ARHGAP26: variants seen among roughly 807,000 people sequenced by gnomAD.
The protein encoded by ARHGAP26 is rho GTPase-activating protein 26.
A neutral mutation model predicts 104.8 loss-of-function variants in ARHGAP26; 38 were observed. The observed-to-expected ratio is 0.36, with a 90% confidence interval of 0.28 to 0.48. The LOEUF (loss-of-function observed/expected upper bound fraction) is 0.48, where lower values mean the gene tolerates loss of function less well. ARHGAP26 is among the 20% of genes least tolerant of loss of function. The pLI is 0.99. For synonymous variants in ARHGAP26, 341 were observed against 340.0 expected (o/e 1.00, Z -0.03); for missense variants, 704 against 947.9 (o/e 0.74, Z 3.38).
chr5:143,113,898 C>G (rs954096472), intron 17 of ARHGAP26, among the ~76,000 whole-genome samples: 1 of 152,082 alleles, frequency 6.6e-6, no homozygotes, highest in Non-Finnish European at 1.5e-5. Flanking sequence ...TGGACTTGCC[C>G]TGGTGGTGTG....
chr5:143,029,403 T>G (rs1355758587), intron 12 of ARHGAP26, among the ~76,000 whole-genome samples: 1 of 119,264 alleles, frequency 8.4e-6, no homozygotes, highest in African/African-American at 4.5e-5. Flanking sequence ...TTTTTTTTTT[T>G]TTTTTTTTTT....
In ARHGAP26 at chr5:143,207,304, G is replaced by A. The variant is rs144980456; in HGVS notation, c.2095G>A (p.Val699Ile). 356 of 1,613,924 alleles carry A rather than the reference G, an allele frequency of 2.2e-4. No individual in the cohort carries two copies. The highest frequency in any genetic ancestry group is 2.9e-4 in the Non-Finnish European group (338 of 1,180,014). Reference protein sequence around the residue: ...TSSTSSDSSPVSTPFRKAKAL... With the variant: ...TSSTSSDSSPISTPFRKAKAL... The stretch of plus-strand genomic sequence containing the variant: ...ATCCACGTCCAGCGACTCATCCCCC[G>A]TCAGGTCTGTTGCAGGGTTTGTTTG... Residue 699 changes from valine to isoleucine, a missense_variant, in exon 21 of 23, where the codon GTC becomes ATC. Physicochemically the swap from Val to Ile is conservative, Grantham distance 29. Transcript: ENST00000645722.
At chr5:142,809,543 C>G (rs908503846) in intron 1 of ARHGAP26, among the ~76,000 whole-genome samples, 2 of 152,306 alleles carry the variant, frequency 1.3e-5, no homozygotes, top group African/African-American at 4.8e-5. Flanking sequence ...CCCGGTGGTT[C>G]AGGGGCCAAA....
At chr5:143,009,295 G>A (rs943599956) in intron 11 of ARHGAP26, among the ~76,000 whole-genome samples, 17 of 152,030 alleles carry the variant, frequency 1.1e-4, no homozygotes, top group Non-Finnish European at 2.2e-4. Context: ...CTTTATCATC[G>A]TCAGCATCAT....
chr5:142,846,669 G>A (rs1009296436), intron 1 of ARHGAP26, among the ~76,000 whole-genome samples: 2 of 152,178 alleles, frequency 1.3e-5, no homozygotes, highest in South Asian at 4.1e-4. Flanking sequence ...ACATTTGGGA[G>A]CAAAAGAGAC....
chr5:143,008,269 T>G (rs983384729), intron 11 of ARHGAP26, among the ~76,000 whole-genome samples: 1 of 152,242 alleles, frequency 6.6e-6, no homozygotes, highest in African/African-American at 2.4e-5. Context: ...ATAACTGATG[T>G]GCATGTTAGC....
chr5:143,079,428 C>T (rs1487125967), intron 17 of ARHGAP26, among the ~76,000 whole-genome samples: 4 of 152,138 alleles, frequency 2.6e-5, no homozygotes, highest in Non-Finnish European at 4.4e-5. Flanking sequence ...GTAGTCGGCA[C>T]GGGAGAAAGG....
chr5:143,106,214 T>C (rs1172571394), intron 17 of ARHGAP26, among the ~76,000 whole-genome samples: 1 of 152,180 alleles, frequency 6.6e-6, no homozygotes, highest in Non-Finnish European at 1.5e-5. Flanking sequence ...AAGATGGCCT[T>C]CTGTATGGAA....
intron 12 of ARHGAP26, among the ~76,000 whole-genome samples, chr5:143,026,597 A>G (rs929813644): frequency 1.3e-5 from 2 of 152,122 alleles, no homozygotes; most frequent in Non-Finnish European, 2.9e-5. Flanking sequence ...ATCAGGAAGA[A>G]CAGTGGTGCC....
chr5:142,901,056 G>A (rs531429850), intron 6 of ARHGAP26, among the ~76,000 whole-genome samples: 122 of 151,960 alleles, frequency 8.0e-4, no homozygotes, highest in Non-Finnish European at 1.4e-3. Flanking sequence ...TTGAGAAGGG[G>A]CCAGGAAAGC....
intron 20 of ARHGAP26, among the ~76,000 whole-genome samples, chr5:143,200,389 T>G (rs1214687201): frequency 2.0e-5 from 3 of 152,288 alleles, no homozygotes; most frequent in Middle Eastern, 6.8e-3. Flanking sequence ...AAGATGTGAG[T>G]TGCAATGCTA....
At chr5:143,178,781 T>C (rs1803874779) in intron 20 of ARHGAP26, among the ~76,000 whole-genome samples, 2 of 152,214 alleles carry the variant, frequency 1.3e-5, no homozygotes, top group African/African-American at 4.8e-5. Flanking sequence ...GAAAGTCATC[T>C]AACTTGTACA....
intron 11 of ARHGAP26, among the ~76,000 whole-genome samples, chr5:142,940,847 T>G (rs1294879726): frequency 6.6e-6 from 1 of 151,652 alleles, no homozygotes; most frequent in East Asian, 1.9e-4. Flanking sequence ...GAAGCCGAGG[T>G]GGGCAGATAA....
chr5:142,964,944 T>C (rs1197498945), intron 11 of ARHGAP26, among the ~76,000 whole-genome samples: 1 of 152,108 alleles, frequency 6.6e-6, no homozygotes, highest in East Asian at 1.9e-4. Context: ...TGTGCTGTTA[T>C]TTATTGGATA....
At chr5:142,784,080 G>A (rs1758054672) in intron 1 of ARHGAP26, among the ~76,000 whole-genome samples, 1 of 152,192 alleles carries the variant, frequency 6.6e-6, no homozygotes, top group Non-Finnish European at 1.5e-5. Context: ...GCCACAATCT[G>A]CCGGCCTTCT....
chr5:142,791,064 G>A (rs1292798543), intron 1 of ARHGAP26, among the ~76,000 whole-genome samples: 2 of 151,234 alleles, frequency 1.3e-5, no homozygotes, highest in African/African-American at 4.9e-5. Flanking sequence ...TTCTCCTTAG[G>A]GTTTATTTTG....
intron 1 of ARHGAP26, among the ~76,000 whole-genome samples, chr5:142,869,919 G>C (rs1029279056): frequency 6.6e-6 from 1 of 152,124 alleles, no homozygotes; most frequent in Admixed American, 6.6e-5. Flanking sequence ...ACTTCTAGCT[G>C]CTTCCATATT....
chr5:142,784,923 A>ATTT (rs35315311), intron 1 of ARHGAP26, among the ~76,000 whole-genome samples: 39 of 118,124 alleles, frequency 3.3e-4, no homozygotes, highest in African/African-American at 9.4e-4. Flanking sequence ...CTTCCTTAGG[A>ATTT]TTTTTTTTTT....
intron 19 of ARHGAP26, among the ~76,000 whole-genome samples, chr5:143,142,325 G>A (rs1270398180): frequency 1.3e-5 from 2 of 151,624 alleles, no homozygotes; most frequent in Admixed American, 6.6e-5. Context: ...TTTTAGTAGA[G>A]ATGGGGTTTC....
Sources: gnomAD v4.1 joint callset for allele counts (sites outside exome capture counted in the v4.1 genomes callset) on GRCh38, gnomAD v4.1.1 for gene constraint, MANE v1.5 for transcripts, NCBI Gene and HGNC (gene_info 2026-07-23, HGNC 2026-07-21) for gene names.